POSTN: variants seen among roughly 807,000 people sequenced by gnomAD.
The protein encoded by POSTN is periostin, also known as osteoblast specific factor 2 (fasciclin I-like).
Under a neutral mutation model 104.5 loss-of-function variants are expected in POSTN, and 71 were observed. That is an observed-to-expected ratio of 0.68 (90% confidence interval 0.56 to 0.83). The LOEUF is 0.83. Ranked by LOEUF, POSTN falls within the 40% of genes least tolerant of loss-of-function variation. The pLI, the probability that POSTN is intolerant of heterozygous loss-of-function variation, is 0.00. For missense variants in POSTN, 949 were observed against 1,006.8 expected (o/e 0.94, Z 0.78); for synonymous variants, 355 against 340.7 (o/e 1.04, Z -0.46).
Position 37,584,103 on chromosome 13 carries a change from G to C in POSTN, c.1109C>G (p.Ala370Gly). 1.9e-6 allele frequency: 3 copies of C among 1,613,458 alleles called. No homozygotes were observed. Among genetic ancestry groups the C allele is most frequent in the Non-Finnish European group, 2.5e-6 (3 of 1,179,752 alleles). ...LIDQVLIPDS[A>G]KQVIELAGKQ... Reference sequence around the variant, plus strand: ...TCCAGCCAGCTCAATAACTTGTTTGGCTGAAAAATAAACCATCACCATCAC... The same window carrying C: ...TCCAGCCAGCTCAATAACTTGTTTGCCTGAAAAATAAACCATCACCATCAC... The change falls in exon 9 of 23, where the codon GCC (alanine) becomes GGC (glycine). Residue 370 changes from alanine to glycine, a missense_variant and splice_region_variant. Physicochemically the swap from Ala to Gly is moderately conservative, Grantham distance 60. Transcript: ENST00000379747.
chr13:37,588,197 C>T (rs1299182917), intron 4 of POSTN, among the ~76,000 whole-genome samples: 3 of 151,960 alleles, frequency 2.0e-5, no homozygotes, highest in Non-Finnish European at 4.4e-5. Flanking sequence ...GAATGTGATA[C>T]AGTACTTAGA....
chr13:37,584,024 A>G lies in POSTN; in HGVS notation c.1188T>C (p.Ala396=). Residue 396 remains alanine (A), a synonymous_variant, in exon 9 of 23, where the codon GCT becomes GCC. Transcript: ENST00000379747. The part of the protein sequence containing the change: ...DLVAQLGLAS[A]LRPDGEYTLL... ...AAGTGTATTCTCCATCTGGCCTCAG[A>G]GCAGATGCCAAGCCTAATTGGGCCA... 6.2e-7 allele frequency: 1 copy of G among 1,613,990 alleles called. No homozygotes were observed. The highest frequency in any genetic ancestry group is 8.5e-7 in the Non-Finnish European group (1 of 1,179,952).
At chr13:37,590,569 T>A (rs1424567334) in intron 3 of POSTN, 40 bp from the exon 4 acceptor site, 2 of 1,489,344 alleles carry the variant, frequency 1.3e-6, no homozygotes, top group Middle Eastern at 3.5e-4. Flanking sequence ...GGGGATAATA[T>A]TCTCAGGATA....
intron 17 of POSTN, among the ~76,000 whole-genome samples, chr13:37,572,040 C>A (rs755794510): frequency 2.0e-5 from 3 of 151,604 alleles, no homozygotes; most frequent in Non-Finnish European, 4.4e-5. Context: ...GAATGATACA[C>A]AATTAACCAG....
rs531853633 is a variant in POSTN, at chr13:37,572,210, T to G, written c.2090-752A>C. ...TCACAGAGGAGTAAGAAAAATAAGTTCAGTACATTTAACTCATACTGTAAT... is the reference window on the plus strand; with the variant it reads ...TCACAGAGGAGTAAGAAAAATAAGTGCAGTACATTTAACTCATACTGTAAT... On this transcript the variant is annotated intron_variant, in intron 17 of 22. Transcript: ENST00000379747. Among the ~76,000 whole-genome samples the G allele has an allele frequency of 2.6e-5, 4 of 151,770 alleles. No individual in the cohort carries two copies. In the South Asian group the frequency reaches 8.3e-4, roughly 31 times the overall value.
Position 37,564,577 on chromosome 13 carries a change from G to T in POSTN, c.2432-17C>A. ...CGGGTGTGTCTAAAATTAAATTGTT[G>T]TAGTTAGAAATACTTCGCAATTATG... On this transcript the variant is annotated splice_polypyrimidine_tract_variant and intron_variant, in intron 21 of 22. Coordinates refer to ENST00000379747, the MANE Select transcript of POSTN (RefSeq NM_006475.3). The T allele has an allele frequency of 6.4e-7, 1 of 1,569,770 alleles. No homozygotes were observed. The highest frequency in any genetic ancestry group is 8.8e-7 in the Non-Finnish European group (1 of 1,142,710).
At chr13:37,575,276 TC>T (rs1414802229) in intron 16 of POSTN, among the ~76,000 whole-genome samples, 2 of 151,314 alleles carry the variant, frequency 1.3e-5, no homozygotes, top group Non-Finnish European at 2.9e-5. Context: ...GTTATCACTA[TC>T]CTTTTTTTTT....
intron 9 of POSTN, 123 bp from the exon 10 acceptor site, chr13:37,582,637 T>G: frequency 1.1e-6 from 1 of 893,680 alleles, no homozygotes; most frequent in Non-Finnish European, 1.6e-6. Flanking sequence ...GATTTTGCAC[T>G]CATATAATAC....
At chr13:37,580,236 A>G (rs1950539238) in intron 11 of POSTN, among the ~76,000 whole-genome samples, 1 of 152,202 alleles carries the variant, frequency 6.6e-6, no homozygotes, top group South Asian at 2.1e-4. Flanking sequence ...AAGGTCACAC[A>G]TAACAAAAAA....
At position 37,574,550 on chromosome 13, in the gene POSTN, C is replaced by G. The variant is rs762194957; in HGVS notation, c.2089+22G>C. 1.9e-6 allele frequency: 3 copies of G among 1,571,360 alleles called. No individual in the cohort carries two copies. The Admixed American group carries it at 6.1e-5, about 32-fold the overall frequency. ...CAGATGTTTTTACTATAAAAGGAAC[C>G]ATGTATAACATTGATTTTTACCTTC... On this transcript the variant is annotated intron_variant, in intron 17 of 22. Transcript: ENST00000379747.
intron 21 of POSTN, chr13:37,569,067 A>G: frequency 3.2e-6 from 1 of 310,392 alleles, no homozygotes; most frequent in East Asian, 5.3e-5. Context: ...AAAAATATTC[A>G]TTGCTCCCCA....
chr13:37,575,621 G>C (rs1029722985), intron 16 of POSTN, among the ~76,000 whole-genome samples: 1 of 151,972 alleles, frequency 6.6e-6, no homozygotes, highest in Non-Finnish European at 1.5e-5. Context: ...ATTAGATAAC[G>C]GGCCACACTG....
chr13:37,595,055 TTTTTTAATGGAAAGCAAGA>T (rs1951047338), intron 2 of POSTN, among the ~76,000 whole-genome samples: 1 of 151,856 alleles, frequency 6.6e-6, no homozygotes, highest in Admixed American at 6.6e-5. Context: ...TGATTTTTTT[TTTTTTAATGGAAAGCAAGA>T]AAGAATTTTG....
At chr13:37,571,997 G>A (rs1175955549) in intron 17 of POSTN, among the ~76,000 whole-genome samples, 1 of 151,400 alleles carries the variant, frequency 6.6e-6, no homozygotes, top group African/African-American at 2.4e-5. Context: ...GGTTTTATGA[G>A]GAAAATAATT....
intron 4 of POSTN, among the ~76,000 whole-genome samples, chr13:37,588,375 A>G (rs1017328483): frequency 6.6e-6 from 1 of 152,176 alleles, no homozygotes; most frequent in African/African-American, 2.4e-5. Context: ...AGTTTTAACA[A>G]GGGTTTCATG....
rs565746890 is a variant in POSTN, at chr13:37,577,806, T to C, written c.1963-8A>G. On this transcript the variant is annotated splice_polypyrimidine_tract_variant and splice_region_variant and intron_variant, in intron 15 of 22. Transcript: ENST00000379747. ...GGTGCTACCACGAACAAACTGAAAA[T>C]AAATGTTTATATTTAGTAACATGAA... 2.5e-6 allele frequency: 4 copies of C among 1,613,438 alleles called. No homozygotes were observed. Among genetic ancestry groups the C allele is most frequent in the East Asian group, 2.2e-5 (1 of 44,772 alleles).
At chr13:37,590,636 T>TA in intron 3 of POSTN, 107 bp from the exon 4 acceptor site, 1 of 906,194 alleles carries the variant, frequency 1.1e-6, no homozygotes, top group Non-Finnish European at 1.5e-6. Context: ...AGCTAATAAT[T>TA]TTAGCAATAC....
At chr13:37,592,297 G>T (rs1396342778) in intron 2 of POSTN, 133 bp from the exon 3 acceptor site, 17 of 623,328 alleles carry the variant, frequency 2.7e-5, no homozygotes, top group Non-Finnish European at 3.8e-5. Flanking sequence ...TTTCCCCCCT[G>T]ATTTTTTCTT....
Position 37,564,435 on chromosome 13 carries a change from C to G in POSTN, c.2473+84G>C, listed in dbSNP as rs1950030124. 1.2e-5 allele frequency: 9 copies of G among 764,654 alleles called. No homozygotes were observed. The East Asian group carries it at 2.5e-4, about 21-fold the overall frequency. 47.4% of individuals were successfully genotyped at this position (764,654 alleles called of 1,614,324 possible). On this transcript the variant is annotated intron_variant, in intron 22 of 22. Transcript: ENST00000379747. ...ATCGATAACAAGTTTCAATAAAATA[C>G]TTTAAAATCTTTCCTATTGTTTGAT...
Sources: gnomAD v4.1 joint callset for allele counts (sites outside exome capture counted in the v4.1 genomes callset) on GRCh38, gnomAD v4.1.1 for gene constraint, MANE v1.5 for transcripts, NCBI Gene and HGNC (gene_info 2026-07-23, HGNC 2026-07-21) for gene names.